HNRNPC: variants seen among roughly 807,000 people sequenced by gnomAD.
The protein encoded by HNRNPC is heterogeneous nuclear ribonucleoproteins C1/C2.
A neutral mutation model predicts 33.2 loss-of-function variants in HNRNPC; 3 were observed. The ratio of observed to expected loss-of-function variants is 0.09; its 90% CI spans 0.04 to 0.23. HNRNPC has a LOEUF of 0.23. HNRNPC is among the 10% of genes least tolerant of loss of function. HNRNPC has a pLI of 1.00. For missense variants in HNRNPC, 143 were observed against 366.7 expected, an observed-to-expected ratio of 0.39 and a Z score of 4.98; for synonymous variants, 121 against 126.7, an observed-to-expected ratio of 0.96 and a Z score of 0.30.
At chr14:21,230,277 C>T (rs1251801005) in intron 5 of HNRNPC, 42 bp downstream of exon 5, 3 of 1,411,152 alleles carry the variant, frequency 2.1e-6, no homozygotes, top group East Asian at 2.3e-5. Context: ...ATGGTTCTCA[C>T]TAAATAGCTG....
At chr14:21,250,461 T>G (rs1226614644) in intron 2 of HNRNPC, among the ~76,000 whole-genome samples, 2 of 152,228 alleles carry the variant, frequency 1.3e-5, no homozygotes, top group Non-Finnish European at 2.9e-5. Context: ...CAGATCTACC[T>G]TGATTCACAA....
At chr14:21,253,793 CG>C (rs1566638819) in intron 2 of HNRNPC, among the ~76,000 whole-genome samples, 1 of 151,982 alleles carries the variant, frequency 6.6e-6, no homozygotes, top group East Asian at 1.9e-4. Flanking sequence ...CGGCCAGGCG[CG>C]GTGGCTCAGG....
intron 1 of HNRNPC, among the ~76,000 whole-genome samples, chr14:21,266,777 T>C (rs761622507): frequency 6.6e-6 from 1 of 151,556 alleles, no homozygotes; most frequent in Non-Finnish European, 1.5e-5. Flanking sequence ...TGGTTAAGAA[T>C]AGTAATAATA....
chr14:21,217,714 G>A (rs1892342589), intron 5 of HNRNPC, among the ~76,000 whole-genome samples: 1 of 152,092 alleles, frequency 6.6e-6, no homozygotes, highest in Non-Finnish European at 1.5e-5. Flanking sequence ...AGTATTTAGG[G>A]ATATTTTTGT....
rs1471576712 is a variant in HNRNPC at position 21,211,859 on chromosome 14, A to G, written c.588T>C (p.Ser196=). ...ELTQIKQKVD[S]LLENLEKIEK... The stretch of plus-strand genomic sequence containing the variant: ...CAATTTTTTCCAGGTTTTCCAGGAG[A>G]GAATCCACTTTTTGTTTTATCTGGG... The change falls in exon 7 of 9, where the codon TCT becomes TCC. Residue 196 remains serine (S), a synonymous_variant. Transcript: ENST00000553300. 5.6e-6 allele frequency: 9 copies of G among 1,613,118 alleles called. No homozygotes were observed. The highest frequency in any genetic ancestry group is 3.3e-5 in the Admixed American group (2 of 59,980).
chr14:21,266,091 C>A (rs943120980), intron 1 of HNRNPC, among the ~76,000 whole-genome samples: 3 of 152,130 alleles, frequency 2.0e-5, no homozygotes, highest in African/African-American at 7.2e-5. Flanking sequence ...TCTCTCTATT[C>A]CCCAGTTTAG....
At chr14:21,238,163 T>C (rs1167935702) in intron 2 of HNRNPC, among the ~76,000 whole-genome samples, 1 of 152,212 alleles carries the variant, frequency 6.6e-6, no homozygotes, top group African/African-American at 2.4e-5. Flanking sequence ...GCTTTTTGCC[T>C]CATACAGATC....
chr14:21,217,315 C>T (rs886704845), intron 5 of HNRNPC, among the ~76,000 whole-genome samples: 1 of 152,192 alleles, frequency 6.6e-6, no homozygotes, highest in Non-Finnish European at 1.5e-5. Context: ...GCAAGTACTT[C>T]ACCACAAACA....
At chr14:21,228,452 C>T (rs1197796815) in intron 5 of HNRNPC, among the ~76,000 whole-genome samples, 3 of 152,192 alleles carry the variant, frequency 2.0e-5, no homozygotes, top group Non-Finnish European at 2.9e-5. Context: ...AGTGCAGTGG[C>T]GCGATCTCAA....
At chr14:21,250,252 CAAA>C (rs112062390) in intron 2 of HNRNPC, among the ~76,000 whole-genome samples, 2 of 132,990 alleles carry the variant, frequency 1.5e-5, no homozygotes, top group African/African-American at 2.8e-5. Flanking sequence ...GACTCCACTT[CAAA>C]AAAAAAAAAG....
At chr14:21,219,661 C>T (rs1349601886) in intron 5 of HNRNPC, among the ~76,000 whole-genome samples, 2 of 152,152 alleles carry the variant, frequency 1.3e-5, no homozygotes, top group Non-Finnish European at 2.9e-5. Flanking sequence ...CTCATTTCTT[C>T]CTTACCGCCA....
At chr14:21,250,140 C>A (rs1896469304) in intron 2 of HNRNPC, among the ~76,000 whole-genome samples, 1 of 151,894 alleles carries the variant, frequency 6.6e-6, no homozygotes, top group South Asian at 2.1e-4. Context: ...GTAGTCCAGG[C>A]TACTCGGGAG....
chr14:21,232,985 C>T (rs1894282622), intron 3 of HNRNPC, among the ~76,000 whole-genome samples: 2 of 151,416 alleles, frequency 1.3e-5, no homozygotes, highest in Admixed American at 1.3e-4. Flanking sequence ...TACAATTAGC[C>T]AAGACTGCAC....
At chr14:21,221,855 G>C (rs185434947) in intron 5 of HNRNPC, among the ~76,000 whole-genome samples, 1 of 151,852 alleles carries the variant, frequency 6.6e-6, no homozygotes, top group East Asian at 1.9e-4. Context: ...AGACCATCCT[G>C]GCAAACATGG....
At chr14:21,233,887 C>CAA in intron 3 of HNRNPC, 66 bp downstream of exon 3, 35 of 1,287,684 alleles carry the variant, frequency 2.7e-5, no homozygotes, top group South Asian at 1.1e-4. Context: ...GACATAAAGA[C>CAA]AAAAAAAAAA....
At chr14:21,211,657 A>T (rs1401519136) in intron 7 of HNRNPC, 91 bp from the exon 8 acceptor site, 38 of 1,469,576 alleles carry the variant, frequency 2.6e-5, no homozygotes, top group Non-Finnish European at 3.5e-5. Flanking sequence ...TGCAGCACAA[A>T]TCTAAATCCT....
chr14:21,253,791 C>A (rs573434707), intron 2 of HNRNPC, among the ~76,000 whole-genome samples: 1 of 151,952 alleles, frequency 6.6e-6, no homozygotes, highest in South Asian at 2.1e-4. Flanking sequence ...TGCGGCCAGG[C>A]GCGGTGGCTC....
At chr14:21,245,341 C>G (rs932727932) in intron 2 of HNRNPC, among the ~76,000 whole-genome samples, 1 of 151,898 alleles carries the variant, frequency 6.6e-6, no homozygotes, top group Non-Finnish European at 1.5e-5. Context: ...ACTAAAAATA[C>G]AAAAATTAGC....
At chr14:21,256,512 G>C (rs899780408) in intron 2 of HNRNPC, among the ~76,000 whole-genome samples, 11 of 151,958 alleles carry the variant, frequency 7.2e-5, no homozygotes, top group African/African-American at 2.7e-4. Flanking sequence ...TCACTTTTAA[G>C]AACAAAACTA....
Sources: allele counts gnomAD v4.1 joint callset (sites outside exome capture counted in the v4.1 genomes callset), GRCh38; gene constraint gnomAD v4.1.1; transcripts MANE v1.5; gene names NCBI Gene and HGNC (gene_info 2026-07-23, HGNC 2026-07-21).